The following ING2 variants were observed in gnomAD, a reference collection of about 807,000 sequenced individuals.
ING2 encodes inhibitor of growth protein 2.
In ING2, 7 loss-of-function variants were observed where a neutral mutation model predicts 30.6. The observed-to-expected ratio is 0.23, with a 90% CI of 0.13 to 0.43. The LOEUF (loss-of-function observed/expected upper bound fraction) is 0.43. Ranked by LOEUF, ING2 falls within the 20% of genes least tolerant of loss-of-function variation. The pLI, the probability that ING2 is intolerant of heterozygous loss-of-function variation, is 1.00. For missense variants in ING2, 239 were observed against 334.9 expected (o/e 0.71, Z 2.24); for synonymous variants, 136 against 121.7 (o/e 1.12, Z -0.78).
chr4:183,509,116 C>A (rs1467855245), intron 1 of ING2, among the ~76,000 whole-genome samples: 1 of 152,188 alleles, frequency 6.6e-6, no homozygotes, highest in African/African-American at 2.4e-5. Context: ...AAAGTAGAGC[C>A]ATTAAAAGTA....
At position 183,510,140 on chromosome 4, in the gene ING2, A is replaced by C. The variant is rs10013043; in HGVS notation, c.173-142A>C. On this transcript the variant is annotated intron_variant, in intron 1 of 1. Coordinates refer to ENST00000302327, the MANE Select transcript of ING2 (RefSeq NM_001564.4). ...AGATAATGTGGTCTTTGTATGAAAT[A>C]GTTTTTAATGTATATGTACCAAAGA... 5,443 of 595,612 alleles carry C rather than the reference A, an allele frequency of 9.1e-3. 170 individuals are homozygous for C. The highest frequency in any genetic ancestry group is 0.078 in the African/African-American group (4,099 of 52,796). 36.9% of individuals were successfully genotyped at this position (595,612 alleles called of 1,614,324 possible).
In ING2 at chr4:183,512,423, CT is replaced by C. The variant is rs1734839160; in HGVS notation, c.*1475del. Among the ~76,000 whole-genome samples the C allele has an allele frequency of 2.0e-5, 3 of 152,180 alleles. No homozygotes were observed. The highest frequency in any genetic ancestry group is 1.9e-4 in the East Asian group (1 of 5,184). On this transcript the variant is annotated 3_prime_UTR_variant, in exon 2 of 2. Transcript: ENST00000302327. ...GGATTTTAATAATGACATGACTTCT[CT>C]TTTCATTAATTTTGTCCTTCATTCT...
At position 183,510,478 on chromosome 4, in the gene ING2, G is replaced by A; in HGVS notation, c.369G>A (p.Gln123=). ...CAAGACAAATGGAGTTACACTCACA[G>A]TGTTTCCAAGATCCTGCTGAAAGTG... The part of the protein sequence containing the change: ...NRARQMELHS[Q]CFQDPAESER... Residue 123 remains glutamine (Q), a synonymous_variant, in exon 2 of 2, where the codon CAG becomes CAA. Transcript: ENST00000302327. The A allele has an allele frequency of 1.9e-6, 3 of 1,614,160 alleles. No individual in the cohort carries two copies. The highest frequency in any genetic ancestry group is 1.7e-6 in the Non-Finnish European group (2 of 1,180,026).
chr4:183,505,218 A>C lies in ING2; in HGVS notation c.23A>C (p.Gln8Pro). The C allele has an allele frequency of 6.2e-7, 1 of 1,601,926 alleles. No individual in the cohort carries two copies. Among genetic ancestry groups the C allele is most frequent in the Non-Finnish European group, 8.5e-7 (1 of 1,175,492 alleles). The change falls in exon 1 of 2, where the codon CAA (glutamine) becomes CCA (proline). Residue 8 changes from glutamine (Q) to proline (P), a missense_variant. Gln to Pro is a moderately conservative substitution (Grantham distance 76, BLOSUM62 -1). Coordinates refer to ENST00000302327, the MANE Select transcript of ING2 (RefSeq NM_001564.4). ...AGGATGTTAGGGCAGCAGCAGCAGC[A>C]ACTGTACTCGTCGGCCGCGCTCCTG... MLGQQQQ[Q>P]LYSSAALLTG...
Position 183,510,579 on chromosome 4 carries a change from C to A in ING2, c.470C>A (p.Thr157Asn). 6.2e-7 allele frequency: 1 copy of A among 1,614,008 alleles called. No homozygotes were observed. Residue 157 changes from threonine (T) to asparagine (N), a missense_variant, in exon 2 of 2, where the codon ACC becomes AAC. Around this residue, in one of 5 missense-constraint regions of ING2, gnomAD observed 115 missense variants for 120.1 expected, o/e 0.96. Transcript: ENST00000302327. Reference protein sequence around the residue: ...RSSRRPRRQRTSESRDLCHMA... With the variant: ...RSSRRPRRQRNSESRDLCHMA... ...TCAAGAAGACCCCGCAGGCAGCGGA[C>A]CAGTGAAAGCCGTGATTTATGTCAC... is the stretch of plus-strand genomic sequence containing the variant.
Position 183,510,914 on chromosome 4 carries a change from A to G in ING2, c.805A>G (p.Ser269Gly), listed in dbSNP as rs1734807383. The change falls in exon 2 of 2, where the codon AGT (serine) becomes GGT (glycine). Residue 269 changes from serine (S) to glycine (G), a missense_variant. Ser to Gly is a moderately conservative substitution (Grantham distance 56). Coordinates refer to ENST00000302327, the MANE Select transcript of ING2 (RefSeq NM_001564.4). ...RGDNEKTMDK[S>G]TEKTKKDRRS... ...AGATAATGAGAAAACAATGGACAAA[A>G]GTACTGAAAAGACAAAAAAGGATAG... The G allele has an allele frequency of 6.2e-7, 1 of 1,602,694 alleles. No homozygotes were observed. Among genetic ancestry groups the G allele is most frequent in the Admixed American group, 1.7e-5 (1 of 59,182 alleles).
chr4:183,505,926 G>T (rs1010104611), intron 1 of ING2, among the ~76,000 whole-genome samples: 1 of 152,150 alleles, frequency 6.6e-6, no homozygotes, highest in Non-Finnish European at 1.5e-5. Flanking sequence ...CTCGCCCCGG[G>T]AAAGTTCGCG....
chr4:183,509,139 G>A (rs1054379113), intron 1 of ING2, among the ~76,000 whole-genome samples: 2 of 152,226 alleles, frequency 1.3e-5, no homozygotes, highest in African/African-American at 4.8e-5. Flanking sequence ...ATGATGGGAA[G>A]CTAAGAGTTG....
chr4:183,507,290 G>A (rs1259985838), intron 1 of ING2, among the ~76,000 whole-genome samples: 2 of 152,174 alleles, frequency 1.3e-5, no homozygotes, highest in African/African-American at 4.8e-5. Flanking sequence ...TAGTAGAGAC[G>A]GAGTTTCACC....
chr4:183,506,063 T>G, intron 1 of ING2: 12 of 1,125,318 alleles, frequency 1.1e-5, no homozygotes, highest in Non-Finnish European at 1.3e-5. Context: ...GGGCGGGGCC[T>G]GCGGGCTTGA....
chr4:183,511,517 G>A lies in ING2; in HGVS notation c.*565G>A, dbSNP rs549057626. Among the ~76,000 whole-genome samples, 168 of 152,190 alleles carry A rather than the reference G, an allele frequency of 1.1e-3. No homozygotes were observed. Among genetic ancestry groups the A allele is most frequent in the Admixed American group, 2.1e-3 (32 of 15,272 alleles). ...GAATAATGTGCTCTTATGAGAGTAC[G>A]TGCTGCTGTCTTTTGCTTAGTAGCA... On this transcript the variant is annotated 3_prime_UTR_variant, in exon 2 of 2. Coordinates refer to ENST00000302327, the MANE Select transcript of ING2 (RefSeq NM_001564.4).
chr4:183,505,713 A>G (rs918761656), intron 1 of ING2, among the ~76,000 whole-genome samples: 1 of 150,568 alleles, frequency 6.6e-6, no homozygotes, highest in East Asian at 1.9e-4. Flanking sequence ...CCGGGACTGC[A>G]GCCGGGCAAG....
rs752052254 is a variant in ING2, at chr4:183,505,216, G to A, written c.21G>A (p.Gln7=). ...GCAGGATGTTAGGGCAGCAGCAGCA[G>A]CAACTGTACTCGTCGGCCGCGCTCC... MLGQQQ[Q]QLYSSAALLT... Residue 7 remains glutamine (Q), a synonymous_variant, in exon 1 of 2, where the codon CAG becomes CAA. Coordinates refer to ENST00000302327, the MANE Select transcript of ING2 (RefSeq NM_001564.4). The A allele has an allele frequency of 1.2e-5, 20 of 1,601,394 alleles. No individual in the cohort carries two copies. The highest frequency in any genetic ancestry group is 1.7e-4 in the Middle Eastern group (1 of 5,972).
intron 1 of ING2, among the ~76,000 whole-genome samples, chr4:183,505,602 C>G (rs985298139): frequency 2.0e-5 from 3 of 152,184 alleles, no homozygotes; most frequent in African/African-American, 4.8e-5. Flanking sequence ...CGCTGCAGAC[C>G]CAGCGGCTGC....
Position 183,511,005 on chromosome 4 carries a change from C to G in ING2, c.*53C>G. 7.1e-7 allele frequency: 1 copy of G among 1,413,344 alleles called. No homozygotes were observed. The allele number at this position is 1,413,344 out of a possible 1,614,324, so 87.6% of individuals were successfully genotyped here. ...ATTTGTCTTTTATATAATTCGTTTG[C>G]TTTCAGAAAATGTTTTAGGGTAAAT... is the stretch of plus-strand genomic sequence containing the variant. On this transcript the variant is annotated 3_prime_UTR_variant, in exon 2 of 2. Coordinates refer to ENST00000302327, the MANE Select transcript of ING2 (RefSeq NM_001564.4).
chr4:183,506,072 G>A (rs1409552172), intron 1 of ING2: 5 of 1,165,110 alleles, frequency 4.3e-6, no homozygotes, highest in South Asian at 1.6e-5. Context: ...CTGCGGGCTT[G>A]ACGAGGGGCG....
chr4:183,505,980 G>A, intron 1 of ING2: 1 of 657,826 alleles, frequency 1.5e-6, no homozygotes, highest in Non-Finnish European at 2.0e-6. Flanking sequence ...TCGGCAAAAT[G>A]GTTAAGAGGG....
intron 1 of ING2, among the ~76,000 whole-genome samples, chr4:183,508,670 C>G (rs1329405571): frequency 3.9e-5 from 6 of 152,144 alleles, no homozygotes; most frequent in Admixed American, 2.0e-4. Flanking sequence ...ATGTATATAT[C>G]TACTTGCCTA....
In ING2 at chr4:183,505,202, G is replaced by C; in HGVS notation, c.7G>C (p.Gly3Arg). 5 of 1,600,392 alleles carry C rather than the reference G, an allele frequency of 3.1e-6. No homozygotes were observed. Among genetic ancestry groups the C allele is most frequent in the Non-Finnish European group, 4.3e-6 (5 of 1,174,902 alleles). Residue 3 changes from glycine to arginine, a missense_variant, in exon 1 of 2, where the codon GGG becomes CGG. By Grantham distance (125) the Gly-to-Arg change is moderately radical. This residue lies in a region of ING2 where 80 missense variants were observed against 102.4 expected (regional missense o/e 0.78). Coordinates refer to ENST00000302327, the MANE Select transcript of ING2 (RefSeq NM_001564.4). The part of the protein sequence containing the change: ML[G>R]QQQQQLYSSA... ...GACGGCGCGGATCGGCAGGATGTTA[G>C]GGCAGCAGCAGCAGCAACTGTACTC...
Sources: allele counts gnomAD v4.1 joint callset (sites outside exome capture counted in the v4.1 genomes callset), GRCh38; gene constraint gnomAD v4.1.1; regional missense constraint gnomAD v4.1.1; transcripts MANE v1.5; gene names NCBI Gene and HGNC (gene_info 2026-07-23, HGNC 2026-07-21).